SLC17A6: variants seen among roughly 807,000 people sequenced by gnomAD.
SLC17A6 encodes the protein solute carrier family 17 member 6.
A neutral mutation model predicts 67.1 loss-of-function variants in SLC17A6; 35 were observed. The ratio of observed to expected loss-of-function variants is 0.52; its 90% CI spans 0.40 to 0.69. The LOEUF (loss-of-function observed/expected upper bound fraction) is 0.69, where lower values mean the gene tolerates loss of function less well. Among genes scored for constraint, SLC17A6 ranks in the 30% least tolerant of loss-of-function variants. The pLI is 0.00. For missense variants in SLC17A6, 588 were observed against 723.9 expected, an observed-to-expected ratio of 0.81 and a Z score of 2.15; for synonymous variants, 285 against 252.3, an observed-to-expected ratio of 1.13 and a Z score of -1.23.
intron 5 of SLC17A6, among the ~76,000 whole-genome samples, chr11:22,361,921 A>T (rs1161094976): frequency 6.6e-6 from 1 of 152,182 alleles, no homozygotes; most frequent in Non-Finnish European, 1.5e-5. Context: ...TGTATACTTA[A>T]GCCATAAGGT....
chr11:22,376,502 A>G (rs1427542994), intron 10 of SLC17A6, 43 bp from the exon 11 acceptor site: 1 of 1,612,360 alleles, frequency 6.2e-7, no homozygotes. Flanking sequence ...TACTTCTAAG[A>G]CGTTTAGGAT....
intron 3 of SLC17A6, among the ~76,000 whole-genome samples, chr11:22,347,553 T>C (rs1462894840): frequency 6.6e-6 from 1 of 152,228 alleles, no homozygotes; most frequent in East Asian, 1.9e-4. Flanking sequence ...CAGCTTATTT[T>C]TGTATGAATT....
chr11:22,343,729 T>C (rs749817486), intron 3 of SLC17A6, among the ~76,000 whole-genome samples: 1 of 151,534 alleles, frequency 6.6e-6, no homozygotes, highest in Admixed American at 6.6e-5. Flanking sequence ...GAACGGCAGA[T>C]GCTGCGCTCT....
At position 22,341,685 on chromosome 11, in the gene SLC17A6, T is replaced by G; in HGVS notation, c.244T>G (p.Cys82Gly). The change falls in exon 2 of 12, where the codon TGC (cysteine) becomes GGC (glycine). Residue 82 changes from cysteine to glycine, a missense_variant. By Grantham distance (159) the Cys-to-Gly change is radical. Coordinates refer to ENST00000263160, the MANE Select transcript of SLC17A6 (RefSeq NM_020346.3). ...CGCCATCATGAGCGGCCTGGGCTTC[T>G]GCATCTCCTTCGGTATCCGCTGCAA... ...IIAIMSGLGF[C>G]ISFGIRCNLG... 1 of 1,614,262 alleles carries G rather than the reference T, an allele frequency of 6.2e-7. No individual in the cohort carries two copies. The highest frequency in any genetic ancestry group is 8.5e-7 in the Non-Finnish European group (1 of 1,180,050).
intron 7 of SLC17A6, among the ~76,000 whole-genome samples, chr11:22,367,677 C>T (rs1187217676): frequency 6.6e-6 from 1 of 152,102 alleles, no homozygotes; most frequent in Non-Finnish European, 1.5e-5. Context: ...CTTGAGAGGT[C>T]ATATGTCTAG....
At chr11:22,348,124 C>T (rs1210468265) in intron 3 of SLC17A6, among the ~76,000 whole-genome samples, 2 of 152,046 alleles carry the variant, frequency 1.3e-5, no homozygotes, top group Non-Finnish European at 2.9e-5. Context: ...TATCTGAGGT[C>T]ACAAAGGGAT....
chr11:22,374,964 C>T (rs900001881), intron 9 of SLC17A6, 77 bp downstream of exon 9: 1 of 1,351,122 alleles, frequency 7.4e-7, no homozygotes, highest in Non-Finnish European at 9.8e-7. Flanking sequence ...ACTTTTTCTA[C>T]ACATATCAAA....
At chr11:22,356,363 A>G (rs1454466257) in intron 3 of SLC17A6, among the ~76,000 whole-genome samples, 1 of 152,198 alleles carries the variant, frequency 6.6e-6, no homozygotes, top group East Asian at 1.9e-4. Flanking sequence ...CTTTCCATTT[A>G]GGGCAAGAAT....
At chr11:22,375,804 A>C (rs908740323) in intron 9 of SLC17A6, among the ~76,000 whole-genome samples, 178 bp from the exon 10 acceptor site, 1 of 152,162 alleles carries the variant, frequency 6.6e-6, no homozygotes, top group African/African-American at 2.4e-5. Flanking sequence ...AAACACAAGG[A>C]AAGCTTCATG....
At chr11:22,362,915 C>T in intron 6 of SLC17A6, 90 bp downstream of exon 6, 2 of 891,882 alleles carry the variant, frequency 2.2e-6, no homozygotes, top group Non-Finnish European at 3.7e-6. Flanking sequence ...TCACTAAATA[C>T]ATTTCTATGT....
chr11:22,340,297 T>A (rs1265461497), intron 1 of SLC17A6, among the ~76,000 whole-genome samples: 1 of 152,246 alleles, frequency 6.6e-6, no homozygotes, highest in African/African-American at 2.4e-5. Context: ...AAAGTATCAA[T>A]CGCAAGGGGC....
intron 1 of SLC17A6, among the ~76,000 whole-genome samples, chr11:22,340,803 T>G (rs956716719): frequency 6.6e-6 from 1 of 152,016 alleles, no homozygotes; most frequent in Non-Finnish European, 1.5e-5. Context: ...GAGTAAGCAT[T>G]GAACTAGAGC....
chr11:22,338,691 C>G (rs1489232146), intron 1 of SLC17A6, 72 bp downstream of exon 1: 3 of 1,096,450 alleles, frequency 2.7e-6, no homozygotes, highest in African/African-American at 3.1e-5. Flanking sequence ...TCCGTAAACC[C>G]TGGTGGCTCA....
intron 4 of SLC17A6, among the ~76,000 whole-genome samples, chr11:22,360,077 G>A (rs1444843529): frequency 2.7e-5 from 4 of 148,388 alleles, no homozygotes; most frequent in Admixed American, 2.7e-4. Context: ...GAGTATAATG[G>A]AAATAGATAA....
chr11:22,347,359 G>C (rs1382559208), intron 3 of SLC17A6, among the ~76,000 whole-genome samples: 3 of 152,054 alleles, frequency 2.0e-5, no homozygotes, highest in African/African-American at 4.8e-5. Context: ...TTACACCTTA[G>C]TTTGTATTTC....
At position 22,360,537 on chromosome 11, in the gene SLC17A6, C is replaced by CCA. The variant is rs764780383; in HGVS notation, c.574-360_574-359insCA. ...AAACCCGCTCTCCTTCCCCCCCCCC[C>CCA]AAAAAAAAGATAGGTTCAAAATAAC... On this transcript the variant is annotated intron_variant, in intron 4 of 11. Coordinates refer to ENST00000263160, the MANE Select transcript of SLC17A6 (RefSeq NM_020346.3). 6.3e-4 allele frequency among the ~76,000 whole-genome samples: 80 copies of CCA among 126,944 alleles called. 2 individuals carry two copies. The highest frequency in any genetic ancestry group is 2.6e-3 in the East Asian group (11 of 4,166). The allele number at this position is 126,944 out of a possible 152,430, so 83.3% of individuals were successfully genotyped here. A position where few individuals can be genotyped will look rare whatever the true frequency, so the allele number is the denominator to read the frequency against.
At position 22,365,680 on chromosome 11, in the gene SLC17A6, T is replaced by C. The variant is rs754303922; in HGVS notation, c.882T>C (p.Gly294=). The C allele has an allele frequency of 1.2e-6, 2 of 1,612,944 alleles. No individual in the cohort carries two copies. Among genetic ancestry groups the C allele is most frequent in the East Asian group, 2.2e-5 (1 of 44,822 alleles). ...TTGGAGAGAGTGCAAATCTTTTAGGTGCAATGGAAGTAAGAAATTTATTAT... is the reference window on the plus strand; with the variant it reads ...TTGGAGAGAGTGCAAATCTTTTAGGCGCAATGGAAGTAAGAAATTTATTAT... ...ESIGESANLL[G]AMEKFKTPWR... Residue 294 remains glycine, a synonymous_variant, in exon 7 of 12, where the codon GGT becomes GGC. Transcript: ENST00000263160.
intron 3 of SLC17A6, among the ~76,000 whole-genome samples, chr11:22,348,188 T>C (rs1326590278): frequency 2.0e-5 from 3 of 152,130 alleles, no homozygotes; most frequent in Non-Finnish European, 2.9e-5. Context: ...ACCTTTACAA[T>C]GAAATTTAAC....
chr11:22,338,397 G>T lies in SLC17A6; in HGVS notation c.-137G>T. Reference sequence around the variant, plus strand: ...CCTTCTCTCACTCTCACTCTTGCTGGAGGCGAGCCACTACCATTCTGCTGA... The same window carrying T: ...CCTTCTCTCACTCTCACTCTTGCTGTAGGCGAGCCACTACCATTCTGCTGA... On this transcript the variant is annotated 5_prime_UTR_variant, in exon 1 of 12. Coordinates refer to ENST00000263160, the MANE Select transcript of SLC17A6 (RefSeq NM_020346.3). 1.6e-6 allele frequency: 1 copy of T among 617,432 alleles called. No individual in the cohort carries two copies. The highest frequency in any genetic ancestry group is 2.1e-5 in the South Asian group (1 of 47,832). 38.2% of individuals were successfully genotyped at this position (617,432 alleles called of 1,614,324 possible).
Sources: allele counts gnomAD v4.1 joint callset (sites outside exome capture counted in the v4.1 genomes callset), GRCh38; gene constraint gnomAD v4.1.1; transcripts MANE v1.5; gene names NCBI Gene and HGNC (gene_info 2026-07-23, HGNC 2026-07-21).